Variants in MYBPC2 observed in about 807,000 individuals in gnomAD.
MYBPC2 encodes myosin binding protein C2.
Under a neutral mutation model 137.0 loss-of-function variants are expected in MYBPC2, and 122 were observed. The observed-to-expected ratio is 0.89, with a 90% CI of 0.77 to 1.03. The LOEUF is 1.03. Ranked by LOEUF, MYBPC2 falls within the 50% of genes least tolerant of loss-of-function variation. The probability of loss-of-function intolerance (pLI) is 0.00; values close to 1 mark genes in which losing one functional copy is unlikely to be tolerated. For synonymous variants in MYBPC2, 626 were observed against 612.3 expected (o/e 1.02, Z -0.33); for missense variants, 1,500 against 1,534.4 (o/e 0.98, Z 0.37).
At chr19:50,434,539 G>T (rs577506103) in intron 1 of MYBPC2, among the ~76,000 whole-genome samples, 2 of 152,176 alleles carry the variant, frequency 1.3e-5, no homozygotes, top group Admixed American at 1.3e-4. Flanking sequence ...AGGAATTAGC[G>T]GGGCTTCTTC....
At chr19:50,462,152 G>T in intron 26 of MYBPC2, 116 bp downstream of exon 26, 1 of 1,370,230 alleles carries the variant, frequency 7.3e-7, no homozygotes, top group Non-Finnish European at 9.6e-7. Flanking sequence ...TGTCTCAAGG[G>T]ATTTAGTCAC....
intron 24 of MYBPC2, among the ~76,000 whole-genome samples, 166 bp from the exon 25 acceptor site, chr19:50,461,376 C>T (rs1225413529): frequency 2.0e-5 from 3 of 152,136 alleles, no homozygotes; most frequent in Non-Finnish European, 2.9e-5. Flanking sequence ...CGCTGATGGG[C>T]GCTGGGTTGG....
At position 50,455,558 on chromosome 19, in the gene MYBPC2, C is replaced by T; in HGVS notation, c.2252C>T (p.Thr751Ile). 1 of 1,613,932 alleles carries T rather than the reference C, an allele frequency of 6.2e-7. No individual in the cohort carries two copies. The highest frequency in any genetic ancestry group is 8.5e-7 in the Non-Finnish European group (1 of 1,179,854). ...LHLIVEDVTD[T>I]TTTLKWRPPN... ...CTGATAGTGGAGGATGTGACAGACA[C>T]CACCACCACACTCAAGTGGAGGCCT... Residue 751 changes from threonine (T) to isoleucine (I), a missense_variant, in exon 20 of 28, where the codon ACC (threonine) becomes ATC (isoleucine). Physicochemically the swap from Thr to Ile is moderately conservative, Grantham distance 89. Transcript: ENST00000357701.
chr19:50,458,588 C>G lies in MYBPC2; in HGVS notation c.2340C>G (p.Ser780=). ...GYLVEYCLEG[S]EEWVPANTEP... ...CGCCAGCAGGGCCTCTCTCTCCAGC[C>G]GAGGAATGGGTCCCTGCCAACACCG... The change falls in exon 21 of 28, where the codon TCC becomes TCG. Residue 780 remains serine, a splice_region_variant and synonymous_variant. Coordinates refer to ENST00000357701, the MANE Select transcript of MYBPC2 (RefSeq NM_004533.4). The G allele has an allele frequency of 6.2e-7, 1 of 1,611,506 alleles. No individual in the cohort carries two copies. The highest frequency in any genetic ancestry group is 8.5e-7 in the Non-Finnish European group (1 of 1,179,828).
At chr19:50,458,436 T>C (rs1220889093) in intron 20 of MYBPC2, 151 bp from the exon 21 acceptor site, 1 of 950,384 alleles carries the variant, frequency 1.1e-6, no homozygotes, top group East Asian at 2.6e-5. Context: ...CCATGATGAA[T>C]GCTTAACTAA....
intron 1 of MYBPC2, among the ~76,000 whole-genome samples, chr19:50,433,486 C>T (rs899164042): frequency 1.3e-5 from 2 of 151,688 alleles, no homozygotes; most frequent in Admixed American, 1.3e-4. Context: ...CTCACTACAA[C>T]ATCCGCCTCC....
Position 50,458,736 on chromosome 19 carries a change from A to G in MYBPC2, c.2488A>G (p.Thr830Ala), listed in dbSNP as rs752523497. The G allele has an allele frequency of 6.2e-7, 1 of 1,608,480 alleles. No homozygotes were observed. Among genetic ancestry groups the G allele is most frequent in the Admixed American group, 1.7e-5 (1 of 60,006 alleles). Reference protein sequence around the residue: ...SEPATLAQPVTIREIAEPPKI... With the variant: ...SEPATLAQPVAIREIAEPPKI... ...GCCGGCCACCCTGGCCCAGCCGGTC[A>G]CCATCAGGGAGATTGCGGGTGCGTG... Residue 830 changes from threonine (T) to alanine (A), a missense_variant, in exon 21 of 28, where the codon ACC (threonine) becomes GCC (alanine). Physicochemically the swap from Thr to Ala is moderately conservative, Grantham distance 58. Coordinates refer to ENST00000357701, the MANE Select transcript of MYBPC2 (RefSeq NM_004533.4).
At chr19:50,433,275 T>C (rs1319790770) in intron 1 of MYBPC2, among the ~76,000 whole-genome samples, 2 of 152,100 alleles carry the variant, frequency 1.3e-5, no homozygotes, top group East Asian at 1.9e-4. Context: ...TGTTTCTTTT[T>C]CTATAAGTGA....
In MYBPC2 at chr19:50,443,580, TC is replaced by T. The variant is rs753406905; in HGVS notation, c.990del (p.Lys331ArgfsTer17). The T allele has an allele frequency of 2.0e-5, 32 of 1,613,094 alleles. No homozygotes were observed. The highest frequency in any genetic ancestry group is 2.2e-5 in the Non-Finnish European group (26 of 1,179,554). On this transcript the variant is annotated frameshift_variant, in exon 10 of 28. Transcript: ENST00000357701. LOFTEE classifies it high-confidence loss of function. ...LADDAAYEVA[V>X]KDEKCFTELF... The stretch of plus-strand genomic sequence containing the variant: ...GATGACGCTGCCTATGAAGTAGCTG[TC>T]AAGGATGAGAAGTGTTTCACCGAGC...
chr19:50,437,509 G>T lies in MYBPC2; in HGVS notation c.500G>T (p.Ser167Ile). The T allele has an allele frequency of 6.2e-7, 1 of 1,610,776 alleles. No individual in the cohort carries two copies. Among genetic ancestry groups the T allele is most frequent in the Non-Finnish European group, 8.5e-7 (1 of 1,178,604 alleles). The change falls in exon 6 of 28, where the codon AGC (serine) becomes ATC (isoleucine). Residue 167 changes from serine (S) to isoleucine (I), a missense_variant. Coordinates refer to ENST00000357701, the MANE Select transcript of MYBPC2 (RefSeq NM_004533.4). ...GATGCCTCTGGGCAGAGTCTAGAAA[G>T]CTTCAAGCGTACGTAAGTGACCCCA... ...RQDASGQSLESFKRTSEKKSD... is the reference protein window; with the variant it reads ...RQDASGQSLEIFKRTSEKKSD...
At chr19:50,445,551 C>A (rs1012407909) in intron 11 of MYBPC2, among the ~76,000 whole-genome samples, 3 of 152,068 alleles carry the variant, frequency 2.0e-5, no homozygotes, top group Non-Finnish European at 4.4e-5. Flanking sequence ...CACCACCACA[C>A]CTGCCTAATT....
At chr19:50,456,910 A>T (rs965621823) in intron 20 of MYBPC2, among the ~76,000 whole-genome samples, 1 of 151,918 alleles carries the variant, frequency 6.6e-6, no homozygotes, top group Non-Finnish European at 1.5e-5. Context: ...CACCAAACAA[A>T]CATTCACTGA....
Position 50,459,298 on chromosome 19 carries a change from G to GCGTT in MYBPC2, c.2784_2787dup (p.Val930ArgfsTer31), listed in dbSNP as rs1428659244. ...AAGGACACCGCCACCATCCGCATCC[G>GCGTT]CGTTGTGGGTGCGCGCGCTGGGGAG... is the stretch of plus-strand genomic sequence containing the variant. On this transcript the variant is annotated frameshift_variant, in exon 23 of 28. Coordinates refer to ENST00000357701, the MANE Select transcript of MYBPC2 (RefSeq NM_004533.4). LOFTEE classifies it high-confidence loss of function. 2.5e-6 allele frequency: 4 copies of GCGTT among 1,602,682 alleles called. No individual in the cohort carries two copies. Among genetic ancestry groups the GCGTT allele is most frequent in the Non-Finnish European group, 3.4e-6 (4 of 1,174,664 alleles).
intron 7 of MYBPC2, among the ~76,000 whole-genome samples, chr19:50,440,534 G>A (rs974830800): frequency 6.6e-6 from 1 of 151,594 alleles, no homozygotes; most frequent in East Asian, 1.9e-4. Context: ...GTGGTGGCGT[G>A]AGCCTGTAGT....
chr19:50,461,310 T>A (rs1601298275), intron 24 of MYBPC2, among the ~76,000 whole-genome samples: 1 of 152,204 alleles, frequency 6.6e-6, no homozygotes, highest in African/African-American at 2.4e-5. Flanking sequence ...TGACCCCTTC[T>A]TAGCGTTGAA....
intron 20 of MYBPC2, among the ~76,000 whole-genome samples, chr19:50,458,123 A>T (rs1339624810): frequency 6.6e-6 from 1 of 151,460 alleles, no homozygotes; most frequent in Non-Finnish European, 1.5e-5. Context: ...CATCCTGGCC[A>T]ACATGGTGAA....
chr19:50,443,611 C>T lies in MYBPC2; in HGVS notation c.1020C>T (p.Phe340=), dbSNP rs780048309. ...ATGAGAAGTGTTTCACCGAGCTCTTCGTCAAAGGTGAGGCTGGAATTCAGA... is the reference window on the plus strand; with the variant it reads ...ATGAGAAGTGTTTCACCGAGCTCTTTGTCAAAGGTGAGGCTGGAATTCAGA... ...VKDEKCFTEL[F]VKEPPVLIVT... The change falls in exon 10 of 28, where the codon TTC becomes TTT. Residue 340 remains phenylalanine (F), a synonymous_variant. Transcript: ENST00000357701. 19 of 1,613,438 alleles carry T rather than the reference C, an allele frequency of 1.2e-5. No individual in the cohort carries two copies. Among genetic ancestry groups the T allele is most frequent in the Admixed American group, 5.0e-5 (3 of 59,946 alleles).
chr19:50,440,941 C>G lies in MYBPC2; in HGVS notation c.634C>G (p.Pro212Ala). ...KKDDDDLGIPPEIWELLKGAK... is the reference protein window; with the variant it reads ...KKDDDDLGIPAEIWELLKGAK... Reference sequence around the variant, plus strand: ...AGATGACGATGACCTAGGCATCCCCCCGGAGATTTGGGAGCTCCTGAAAGG... The same window carrying G: ...AGATGACGATGACCTAGGCATCCCCGCGGAGATTTGGGAGCTCCTGAAAGG... The change falls in exon 8 of 28, where the codon CCG becomes GCG. Residue 212 changes from proline (P) to alanine (A), a missense_variant. Coordinates refer to ENST00000357701, the MANE Select transcript of MYBPC2 (RefSeq NM_004533.4). 3 of 1,613,812 alleles carry G rather than the reference C, an allele frequency of 1.9e-6. No individual in the cohort carries two copies. In the South Asian group the frequency reaches 3.3e-5, roughly 18 times the overall value.
At position 50,453,865 on chromosome 19, in the gene MYBPC2, G is replaced by C. The variant is rs183664871; in HGVS notation, c.1750-155G>C. On this transcript the variant is annotated intron_variant, in intron 16 of 27. Transcript: ENST00000357701. ...CAGTCTGGTGCTTTTAATGAAGGACGGCATTTGGAGGGCGAGGAGGGCAGT... is the reference window on the plus strand; with the variant it reads ...CAGTCTGGTGCTTTTAATGAAGGACCGCATTTGGAGGGCGAGGAGGGCAGT... 6.1e-3 allele frequency among the ~76,000 whole-genome samples: 930 copies of C among 152,174 alleles called. 10 individuals carry two copies. The highest frequency in any genetic ancestry group is 0.01 in the Non-Finnish European group (695 of 68,008).
Sources: allele counts gnomAD v4.1 joint callset (sites outside exome capture counted in the v4.1 genomes callset), GRCh38; gene constraint gnomAD v4.1.1; transcripts MANE v1.5; gene names NCBI Gene and HGNC (gene_info 2026-07-23, HGNC 2026-07-21).